PEX5L: variants seen among roughly 807,000 people sequenced by gnomAD.
PEX5L encodes peroxisomal biogenesis factor 5 like, also known as PEX5-related protein.
Under a neutral mutation model 84.0 loss-of-function variants are expected in PEX5L, and 30 were observed. The observed-to-expected ratio is 0.36, with a 90% CI of 0.27 to 0.48. PEX5L has a LOEUF of 0.48. PEX5L is among the 20% of genes least tolerant of loss of function. The pLI, the probability that PEX5L is intolerant of heterozygous loss-of-function variation, is 0.99. For synonymous variants in PEX5L, 270 were observed against 283.1 expected (o/e 0.95, Z 0.46); for missense variants, 533 against 754.6 (o/e 0.71, Z 3.44).
At chr3:179,899,502 G>T (rs1760555416) in intron 2 of PEX5L, among the ~76,000 whole-genome samples, 1 of 152,044 alleles carries the variant, frequency 6.6e-6, no homozygotes, top group African/African-American at 2.4e-5. Flanking sequence ...AATAAAGCTT[G>T]ATCGTTTCCA....
chr3:180,015,327 C>T (rs1789849965), intron 1 of PEX5L, among the ~76,000 whole-genome samples: 1 of 152,130 alleles, frequency 6.6e-6, no homozygotes, highest in South Asian at 2.1e-4. Flanking sequence ...TCAAATCCCA[C>T]CTCTGCTAAG....
intron 2 of PEX5L, among the ~76,000 whole-genome samples, chr3:179,942,524 G>A: frequency 6.6e-6 from 1 of 152,356 alleles, no homozygotes; most frequent in East Asian, 1.9e-4. Flanking sequence ...GGCACTCGGA[G>A]GCGCGGAATC....
At chr3:179,939,932 T>G (rs554687029) in intron 2 of PEX5L, among the ~76,000 whole-genome samples, 1 of 152,182 alleles carries the variant, frequency 6.6e-6, no homozygotes, top group Non-Finnish European at 1.5e-5. Context: ...TAAATGAGGG[T>G]GGATAAAAAT....
chr3:179,873,682 C>A (rs372169688), intron 7 of PEX5L, among the ~76,000 whole-genome samples: 2 of 152,104 alleles, frequency 1.3e-5, no homozygotes, highest in East Asian at 1.9e-4. Context: ...AGCTGAGTGT[C>A]CCAGGAAAAT....
intron 4 of PEX5L, 30 bp from the exon 5 acceptor site, chr3:179,880,153 C>G: frequency 1.5e-6 from 2 of 1,348,190 alleles, no homozygotes; most frequent in Non-Finnish European, 2.0e-6. Flanking sequence ...TTAAGATAAG[C>G]CCATTTACTA....
At chr3:179,978,033 T>C (rs1253582024) in intron 1 of PEX5L, among the ~76,000 whole-genome samples, 2 of 152,232 alleles carry the variant, frequency 1.3e-5, no homozygotes, top group Non-Finnish European at 2.9e-5. Flanking sequence ...ACAACAAGTA[T>C]GTTGTAGCAT....
intron 2 of PEX5L, among the ~76,000 whole-genome samples, chr3:179,954,083 T>C (rs1207018862): frequency 6.6e-6 from 1 of 152,160 alleles, no homozygotes; most frequent in Non-Finnish European, 1.5e-5. Context: ...TGGTTTCATC[T>C]GGCTACAGGA....
At chr3:180,020,063 A>G (rs1406652694) in intron 1 of PEX5L, among the ~76,000 whole-genome samples, 1 of 152,214 alleles carries the variant, frequency 6.6e-6, no homozygotes, top group Non-Finnish European at 1.5e-5. Context: ...AACTTGGATT[A>G]ACATCTCATC....
At chr3:179,858,606 C>A (rs1195120051) in intron 8 of PEX5L, among the ~76,000 whole-genome samples, 1 of 152,110 alleles carries the variant, frequency 6.6e-6, no homozygotes, top group African/African-American at 2.4e-5. Flanking sequence ...CCAGCCATGC[C>A]CTTTTCTCGC....
At chr3:179,962,015 TA>T (rs2110110858) in intron 2 of PEX5L, among the ~76,000 whole-genome samples, 1 of 152,402 alleles carries the variant, frequency 6.6e-6, no homozygotes, top group Non-Finnish European at 1.5e-5. Flanking sequence ...CAGAGTAGTT[TA>T]GGAGATTTCA....
At chr3:179,917,416 C>A (rs533840989) in intron 2 of PEX5L, among the ~76,000 whole-genome samples, 1 of 151,978 alleles carries the variant, frequency 6.6e-6, no homozygotes, top group South Asian at 2.1e-4. Context: ...TATAAACCAG[C>A]AACATAGTTG....
intron 14 of PEX5L, among the ~76,000 whole-genome samples, chr3:179,802,532 C>CAAAAAAAAAAAAAAAA (rs369244711): frequency 1.6e-4 from 12 of 73,822 alleles, no homozygotes; most frequent in Admixed American, 3.1e-4. Flanking sequence ...GAGACTGTCT[C>CAAAAAAAAAAAAAAAA]AAAAAAAAAA....
chr3:179,913,195 T>C (rs1172518914), intron 2 of PEX5L, among the ~76,000 whole-genome samples: 1 of 152,118 alleles, frequency 6.6e-6, no homozygotes, highest in Non-Finnish European at 1.5e-5. Context: ...ACACAGAGAC[T>C]TGCTTTTAAT....
chr3:180,001,177 G>C (rs957052294), intron 1 of PEX5L, among the ~76,000 whole-genome samples: 2 of 152,002 alleles, frequency 1.3e-5, no homozygotes, highest in Non-Finnish European at 2.9e-5. Flanking sequence ...TCCCGTGCTG[G>C]ATGCTTCCTG....
intron 1 of PEX5L, chr3:179,974,258 T>C (rs1579184496): frequency 2.2e-6 from 2 of 917,690 alleles, no homozygotes; most frequent in African/African-American, 1.8e-5. Context: ...ACCTTCCAAG[T>C]GTGAGGGGGC....
chr3:180,000,511 C>T (rs562106787), intron 1 of PEX5L, among the ~76,000 whole-genome samples: 1 of 152,270 alleles, frequency 6.6e-6, no homozygotes. Context: ...AAACCACGAC[C>T]TGCTGAGGTG....
chr3:180,001,354 A>T (rs1788391142), intron 1 of PEX5L, among the ~76,000 whole-genome samples: 1 of 148,250 alleles, frequency 6.7e-6, no homozygotes, highest in South Asian at 2.1e-4. Flanking sequence ...TATATAATAT[A>T]TATGGATATA....
intron 2 of PEX5L, among the ~76,000 whole-genome samples, chr3:179,960,248 G>A (rs920733226): frequency 6.6e-6 from 1 of 152,158 alleles, no homozygotes; most frequent in Non-Finnish European, 1.5e-5. Context: ...AAATATTTGT[G>A]ATATATGTTA....
At chr3:180,012,991 C>G (rs1789623729) in intron 1 of PEX5L, among the ~76,000 whole-genome samples, 1 of 152,124 alleles carries the variant, frequency 6.6e-6, no homozygotes, top group Non-Finnish European at 1.5e-5. Flanking sequence ...AAAAATTATT[C>G]AGCAGTCTTC....
Sources: gnomAD v4.1 joint callset for allele counts (sites outside exome capture counted in the v4.1 genomes callset) on GRCh38, gnomAD v4.1.1 for gene constraint, MANE v1.5 for transcripts, NCBI Gene and HGNC (gene_info 2026-07-23, HGNC 2026-07-21) for gene names.